C8A: variants seen among roughly 807,000 people sequenced by gnomAD.
C8A encodes complement C8 alpha chain.
C8A carries 67 observed loss-of-function variants against 65.3 expected under a neutral mutation model. The ratio of observed to expected loss-of-function variants is 1.03; its 90% CI spans 0.84 to 1.26. The LOEUF (loss-of-function observed/expected upper bound fraction) is 1.26. C8A is among the 50% of genes most tolerant of loss of function. The pLI is 0.00. For missense variants in C8A, 781 were observed against 723.9 expected (o/e 1.08, Z -0.90); for synonymous variants, 290 against 259.4 (o/e 1.12, Z -1.13).
Position 56,908,004 on chromosome 1 carries a change from G to A in C8A, c.1271G>A (p.Arg424Gln), listed in dbSNP as rs149254627. The change falls in exon 9 of 11, where the codon CGA becomes CAA. Residue 424 changes from arginine to glutamine, a missense_variant. Arg to Gln is a conservative substitution (Grantham distance 43, BLOSUM62 1). Transcript: ENST00000361249. ...GTGGAAGACATTATTTCTCGGGTGCGAGGTGGCAGTTCTGGCTGGAGCGGT... is the reference window on the plus strand; with the variant it reads ...GTGGAAGACATTATTTCTCGGGTGCAAGGTGGCAGTTCTGGCTGGAGCGGT... ...MAVEDIISRV[R>Q]GGSSGWSGGL... The A allele has an allele frequency of 2.7e-5, 43 of 1,614,180 alleles. No individual in the cohort carries two copies. Among genetic ancestry groups the A allele is most frequent in the South Asian group, 1.5e-4 (14 of 91,078 alleles).
chr1:56,861,049 G>T (rs1232355556), intron 1 of C8A, among the ~76,000 whole-genome samples: 1 of 152,196 alleles, frequency 6.6e-6, no homozygotes, highest in African/African-American at 2.4e-5. Context: ...GCTCATGGTT[G>T]TGCAAGTTGT....
intron 7 of C8A, among the ~76,000 whole-genome samples, chr1:56,904,120 C>T (rs1644446391): frequency 6.6e-6 from 1 of 152,176 alleles, no homozygotes; most frequent in Admixed American, 6.5e-5. Context: ...CCTTTCACCC[C>T]AGACCCCCAC....
intron 10 of C8A, among the ~76,000 whole-genome samples, chr1:56,914,043 G>C (rs907743524): frequency 2.6e-5 from 4 of 152,178 alleles, no homozygotes. Flanking sequence ...ACAAAGCAAA[G>C]CAGGCAATCC....
chr1:56,904,499 G>A (rs1486965472), intron 7 of C8A, among the ~76,000 whole-genome samples: 1 of 152,184 alleles, frequency 6.6e-6, no homozygotes, highest in Non-Finnish European at 1.5e-5. Context: ...ATATGCTGGG[G>A]ATGGTACACA....
At chr1:56,885,789 A>G in intron 6 of C8A, 138 bp from the exon 7 acceptor site, 1 of 1,121,684 alleles carries the variant, frequency 8.9e-7, no homozygotes, top group Non-Finnish European at 1.3e-6. Context: ...TGACCTTGTG[A>G]TCCTCCAGCT....
chr1:56,906,562 G>A (rs1466365666), intron 7 of C8A, 105 bp from the exon 8 acceptor site: 3 of 1,364,994 alleles, frequency 2.2e-6, no homozygotes, highest in Non-Finnish European at 3.1e-6. Flanking sequence ...CAGGCCTTTT[G>A]GACTCCAAAG....
intron 7 of C8A, among the ~76,000 whole-genome samples, chr1:56,890,943 G>A (rs576542516): frequency 1.3e-5 from 2 of 152,164 alleles, no homozygotes; most frequent in African/African-American, 2.4e-5. Context: ...TTTCTAGAAT[G>A]TTCATTCCAA....
chr1:56,917,743 A>G lies in C8A; in HGVS notation c.*27A>G. 6.2e-7 allele frequency: 1 copy of G among 1,613,366 alleles called. No homozygotes were observed. The highest frequency in any genetic ancestry group is 8.5e-7 in the Non-Finnish European group (1 of 1,179,880). Reference sequence around the variant, plus strand: ...GGCCTCTGGACACAGGCTGGACCAGATGCTGTGGATGTCGACCCCTGCACT... The same window carrying G: ...GGCCTCTGGACACAGGCTGGACCAGGTGCTGTGGATGTCGACCCCTGCACT... On this transcript the variant is annotated 3_prime_UTR_variant, in exon 11 of 11. Transcript: ENST00000361249.
intron 6 of C8A, among the ~76,000 whole-genome samples, chr1:56,885,116 G>A (rs1644278869): frequency 6.6e-6 from 1 of 151,676 alleles, no homozygotes; most frequent in Non-Finnish European, 1.5e-5. Flanking sequence ...AGCTCACCCA[G>A]GTGAGAGCTG....
intron 1 of C8A, among the ~76,000 whole-genome samples, chr1:56,864,349 A>G (rs948400432): frequency 5.3e-5 from 8 of 152,072 alleles, no homozygotes; most frequent in Non-Finnish European, 1.2e-4. Context: ...GTGATGAATC[A>G]TGGAATCAAA....
chr1:56,878,375 G>A (rs778646105), intron 4 of C8A, among the ~76,000 whole-genome samples: 1 of 152,180 alleles, frequency 6.6e-6, no homozygotes, highest in Non-Finnish European at 1.5e-5. Context: ...AGTGACTATA[G>A]AGTAAACAAT....
intron 1 of C8A, among the ~76,000 whole-genome samples, chr1:56,855,568 T>C (rs1262661301): frequency 6.6e-6 from 1 of 151,938 alleles, no homozygotes; most frequent in Non-Finnish European, 1.5e-5. Context: ...AGGGAGGTGA[T>C]GTAGTTTCAT....
intron 4 of C8A, among the ~76,000 whole-genome samples, chr1:56,880,026 G>A (rs1644235501): frequency 6.6e-6 from 1 of 152,156 alleles, no homozygotes; most frequent in Non-Finnish European, 1.5e-5. Flanking sequence ...AAAGAAGGCT[G>A]TTGACAGAAG....
At chr1:56,862,772 T>C (rs2101190820) in intron 1 of C8A, among the ~76,000 whole-genome samples, 1 of 152,252 alleles carries the variant, frequency 6.6e-6, no homozygotes. Context: ...TTGAGTAGAT[T>C]TTCGCCAGCT....
chr1:56,917,912 A>G lies in C8A; in HGVS notation c.*196A>G. 1 of 607,148 alleles carries G rather than the reference A, an allele frequency of 1.6e-6. No individual in the cohort carries two copies. The highest frequency in any genetic ancestry group is 2.9e-6 in the Non-Finnish European group (1 of 342,870). 37.6% of individuals were successfully genotyped at this position (607,148 alleles called of 1,614,324 possible). A position where few individuals can be genotyped will look rare whatever the true frequency, so the allele number is the denominator to read the frequency against. ...ATTAGTTACAAAACTCAATCATTTT[A>G]TTCAGCAACTGGATGTTGACTGTTA... On this transcript the variant is annotated 3_prime_UTR_variant, in exon 11 of 11. Transcript: ENST00000361249.
chr1:56,917,445 G>A, intron 10 of C8A, 120 bp from the exon 11 acceptor site: 1 of 962,974 alleles, frequency 1.0e-6, no homozygotes, highest in South Asian at 1.4e-5. Flanking sequence ...GTCGACCAGA[G>A]GAGGGGAGGC....
intron 7 of C8A, among the ~76,000 whole-genome samples, chr1:56,903,194 G>T (rs1477368577): frequency 6.6e-6 from 1 of 152,172 alleles, no homozygotes; most frequent in Non-Finnish European, 1.5e-5. Flanking sequence ...TTGAATTGCA[G>T]TTCCCAAAAT....
chr1:56,895,742 C>T (rs1644383071), intron 7 of C8A, among the ~76,000 whole-genome samples: 1 of 152,020 alleles, frequency 6.6e-6, no homozygotes, highest in Non-Finnish European at 1.5e-5. Context: ...AGTTTGAGAC[C>T]AGCCTGGGCA....
intron 7 of C8A, among the ~76,000 whole-genome samples, chr1:56,902,513 A>G (rs1051372106): frequency 2.6e-5 from 4 of 152,174 alleles, no homozygotes; most frequent in African/African-American, 9.6e-5. Context: ...TGGTAAAAAT[A>G]CTTTAACATG....
Sources: allele counts gnomAD v4.1 joint callset (sites outside exome capture counted in the v4.1 genomes callset), GRCh38; gene constraint gnomAD v4.1.1; transcripts MANE v1.5; gene names NCBI Gene and HGNC (gene_info 2026-07-23, HGNC 2026-07-21).